EGR1: variants seen among roughly 807,000 people sequenced by gnomAD.
The protein encoded by EGR1 is early growth response 1, also known as early growth response protein 1.
A neutral mutation model predicts 30.2 loss-of-function variants in EGR1; 8 were observed. The observed-to-expected ratio is 0.26, with a 90% CI of 0.16 to 0.48. The LOEUF is 0.48. Among genes scored for constraint, EGR1 ranks in the 20% least tolerant of loss-of-function variants. The pLI is 0.99. For missense variants in EGR1, 568 were observed against 732.3 expected (o/e 0.78, Z 2.59); for synonymous variants, 334 against 312.8 (o/e 1.07, Z -0.72).
rs202122132 is a variant in EGR1 at position 138,466,998 on chromosome 5, C to G, written c.549C>G (p.Ser183=). The G allele has an allele frequency of 1.2e-6, 2 of 1,613,982 alleles. No individual in the cohort carries two copies. The highest frequency in any genetic ancestry group is 1.7e-5 in the Admixed American group (1 of 60,008). The stretch of plus-strand genomic sequence containing the variant: ...CATCTCCAGCGGCCTCCTCCGCCTC[C>G]GCCTCCCAGAGCCCACCCCTGAGCT... The part of the protein sequence containing the change: ...SAPSPAASSA[S]ASQSPPLSCA... The change falls in exon 2 of 2, where the codon TCC becomes TCG. Residue 183 remains serine, a synonymous_variant. Coordinates refer to ENST00000239938, the MANE Select transcript of EGR1 (RefSeq NM_001964.3).
chr5:138,466,097 C>G, intron 1 of EGR1, 29 bp downstream of exon 1: 1 of 1,523,608 alleles, frequency 6.6e-7, no homozygotes. Context: ...CGAGGGGGAA[C>G]CCTTTCGCCA....
chr5:138,465,771 G>A lies in EGR1; in HGVS notation c.10G>A (p.Ala4Thr). The change falls in exon 1 of 2, where the codon GCC becomes ACC. Residue 4 changes from alanine (A) to threonine (T), a missense_variant. Ala to Thr is a moderately conservative substitution (Grantham distance 58, BLOSUM62 0). Transcript: ENST00000239938. ...AGCCTGCTCGTCCAGGATGGCCGCGGCCAAGGCCGAGATGCAGCTGATGTC... is the reference window on the plus strand; with the variant it reads ...AGCCTGCTCGTCCAGGATGGCCGCGACCAAGGCCGAGATGCAGCTGATGTC... The part of the protein sequence containing the change: MAA[A>T]KAEMQLMSPL... The A allele has an allele frequency of 6.2e-7, 1 of 1,602,286 alleles. No homozygotes were observed. Among genetic ancestry groups the A allele is most frequent in the Middle Eastern group, 1.7e-4 (1 of 6,010 alleles).
rs201250503 is a variant in EGR1, at chr5:138,467,970, G to T, written c.1521G>T (p.Pro507=). 1 of 1,613,976 alleles carries T rather than the reference G, an allele frequency of 6.2e-7. No individual in the cohort carries two copies. Among genetic ancestry groups the T allele is most frequent in the Non-Finnish European group, 8.5e-7 (1 of 1,179,976 alleles). ...TTYSSVPPAF[P]AQVSSFPSSA... is the part of the protein sequence containing the mutation. ...ACTCCTCTGTTCCCCCTGCTTTCCC[G>T]GCCCAGGTCAGCAGCTTCCCTTCCT... The change falls in exon 2 of 2, where the codon CCG becomes CCT. Residue 507 remains proline, a synonymous_variant. Transcript: ENST00000239938. The surrounding 1 kb of genome is among the most constrained non-coding windows in gnomAD (Gnocchi z 8.3).
chr5:138,465,765 G>A lies in EGR1; in HGVS notation c.4G>A (p.Ala2Thr), dbSNP rs1257729605. 1 of 1,598,046 alleles carries A rather than the reference G, an allele frequency of 6.3e-7. No individual in the cohort carries two copies. The highest frequency in any genetic ancestry group is 8.6e-7 in the Non-Finnish European group (1 of 1,169,366). Residue 2 changes from alanine (A) to threonine (T), a missense_variant, in exon 1 of 2, where the codon GCC (alanine) becomes ACC (threonine). Physicochemically the swap from Ala to Thr is moderately conservative, Grantham distance 58. Coordinates refer to ENST00000239938, the MANE Select transcript of EGR1 (RefSeq NM_001964.3). M[A>T]AAKAEMQLMS... ...CTCTCCAGCCTGCTCGTCCAGGATG[G>A]CCGCGGCCAAGGCCGAGATGCAGCT... is the stretch of plus-strand genomic sequence containing the variant.
chr5:138,466,635 A>C (rs1764161590), intron 1 of EGR1, 122 bp from the exon 2 acceptor site: 1 of 1,134,630 alleles, frequency 8.8e-7, no homozygotes, highest in East Asian at 2.4e-5. Context: ...GCTATCAATT[A>C]TTAACTACCT....
intron 1 of EGR1, among the ~76,000 whole-genome samples, chr5:138,466,501 G>T (rs900874289): frequency 2.0e-5 from 3 of 152,256 alleles, no homozygotes; most frequent in Admixed American, 2.0e-4. Flanking sequence ...GGAATCCCTC[G>T]CCCGCACAGC....
rs146282587 is a variant in EGR1, at chr5:138,467,387, C to T, written c.938C>T (p.Ser313Phe). The change falls in exon 2 of 2, where the codon TCC (serine) becomes TTC (phenylalanine). Residue 313 changes from serine (S) to phenylalanine (F), a missense_variant. Physicochemically the swap from Ser to Phe is radical, Grantham distance 155. Transcript: ENST00000239938. This position sits in a 1 kb window ranked among gnomAD's most constrained non-coding sequence, Gnocchi z 8.3. ...AAGGCCCTCAATACCAGCTACCAGTCCCAGCTCATCAAACCCAGCCGCATG... is the reference window on the plus strand; with the variant it reads ...AAGGCCCTCAATACCAGCTACCAGTTCCAGCTCATCAAACCCAGCCGCATG... ...DLKALNTSYQ[S>F]QLIKPSRMRK... 1.9e-6 allele frequency: 3 copies of T among 1,614,104 alleles called. No homozygotes were observed. Among genetic ancestry groups the T allele is most frequent in the African/African-American group, 2.7e-5 (2 of 74,930 alleles).
chr5:138,466,476 A>G (rs1222772696), intron 1 of EGR1, among the ~76,000 whole-genome samples: 1 of 152,212 alleles, frequency 6.6e-6, no homozygotes, highest in Non-Finnish European at 1.5e-5. Context: ...AGCCGCGGCC[A>G]TGGGGGTGCT....
At position 138,467,430 on chromosome 5, in the gene EGR1, G is replaced by A; in HGVS notation, c.981G>A (p.Arg327=). 1 of 1,614,070 alleles carries A rather than the reference G, an allele frequency of 6.2e-7. No individual in the cohort carries two copies. Among genetic ancestry groups the A allele is most frequent in the South Asian group, 1.1e-5 (1 of 91,076 alleles). Reference sequence around the variant, plus strand: ...GCCGCATGCGCAAGTACCCCAACCGGCCCAGCAAGACGCCCCCCCACGAAC... The same window carrying A: ...GCCGCATGCGCAAGTACCCCAACCGACCCAGCAAGACGCCCCCCCACGAAC... ...KPSRMRKYPN[R]PSKTPPHERP... Residue 327 remains arginine (R), a synonymous_variant, in exon 2 of 2, where the codon CGG becomes CGA. Transcript: ENST00000239938. The surrounding 1 kb of genome is among the most constrained non-coding windows in gnomAD (Gnocchi z 8.3).
In EGR1 at chr5:138,465,943, A is replaced by ACAG. The variant is rs140268489; in HGVS notation, c.199_201dup (p.Ser67dup). 8.3e-4 allele frequency: 1,334 copies of ACAG among 1,612,582 alleles called. 2 individuals are homozygous for ACAG. The African/African-American group carries it at 9.5e-3, about 12-fold the overall frequency. On this transcript the variant is annotated inframe_insertion, in exon 1 of 2. Coordinates refer to ENST00000239938, the MANE Select transcript of EGR1 (RefSeq NM_001964.3). ...GGGGCCCCAGAGGGCAGCGGCAGCAACAGCAGCAGCAGCAGCAGCGGGGGC... is the reference window on the plus strand; with the variant it reads ...GGGGCCCCAGAGGGCAGCGGCAGCAACAGCAGCAGCAGCAGCAGCAGCGGGGGC...
At position 138,466,438 on chromosome 5, in the gene EGR1, C is replaced by T. The variant is rs111352052; in HGVS notation, c.308-319C>T. On this transcript the variant is annotated intron_variant, in intron 1 of 1. Transcript: ENST00000239938. ...CCGTGATCCTTGGCCGTGGATGTCC[C>T]GGCAGCCCGGGTTTGGGGGCGCGCA... Among the ~76,000 whole-genome samples, 912 of 152,372 alleles carry T rather than the reference C, an allele frequency of 6.0e-3. 8 individuals carry two copies. Among genetic ancestry groups the T allele is most frequent in the Middle Eastern group, 0.037 (11 of 294 alleles).
Position 138,465,756 on chromosome 5 carries a change from TCCAGGATGGCCGCGGCCAAGG to T in EGR1, c.-3_18del. 1 of 1,589,232 alleles carries T rather than the reference TCCAGGATGGCCGCGGCCAAGG, an allele frequency of 6.3e-7. No homozygotes were observed. The highest frequency in any genetic ancestry group is 8.6e-7 in the Non-Finnish European group (1 of 1,164,484). On this transcript the variant is annotated start_lost and 5_prime_UTR_variant, in exon 1 of 2. Transcript: ENST00000239938. ...CGACACCAGCTCTCCAGCCTGCTCG[TCCAGGATGGCCGCGGCCAAGG>T]CCGAGATGCAGCTGATGTCCCCGCT...
chr5:138,468,020 C>A lies in EGR1; in HGVS notation c.1571C>A (p.Ala524Asp), dbSNP rs1226620293. The change falls in exon 2 of 2, where the codon GCC becomes GAC. Residue 524 changes from alanine to aspartate, a missense_variant. Ala to Asp is a moderately radical substitution (Grantham distance 126). This residue lies in a region of EGR1 where 118 missense variants were observed against 161.6 expected (regional missense o/e 0.73). Transcript: ENST00000239938. ...PSSAVTNSFS[A>D]STGLSDMTAT... ...TCAGCTGTCACCAACTCCTTCAGCG[C>A]CTCCACAGGGCTTTCGGACATGACA... 3.7e-6 allele frequency: 6 copies of A among 1,611,924 alleles called. No homozygotes were observed. Among genetic ancestry groups the A allele is most frequent in the Non-Finnish European group, 5.1e-6 (6 of 1,179,096 alleles).
Position 138,466,948 on chromosome 5 carries a change from C to T in EGR1, c.499C>T (p.Pro167Ser), listed in dbSNP as rs747347984. ...LVSGLVSMTN[P>S]PASSSSAPSP... is the part of the protein sequence containing the mutation. ...CAGTGGCCTAGTGAGCATGACCAAC[C>T]CACCGGCCTCCTCGTCCTCAGCACC... Residue 167 changes from proline (P) to serine (S), a missense_variant, in exon 2 of 2, where the codon CCA (proline) becomes TCA (serine). Around this residue, in one of 4 missense-constraint regions of EGR1, gnomAD observed 415 missense variants for 445.2 expected, o/e 0.93. Transcript: ENST00000239938. The T allele has an allele frequency of 1.9e-6, 3 of 1,614,090 alleles. No homozygotes were observed. Among genetic ancestry groups the T allele is most frequent in the South Asian group, 2.2e-5 (2 of 91,086 alleles).
rs772509529 is a variant in EGR1, at chr5:138,467,414, G to A, written c.965G>A (p.Arg322His). 5 of 1,614,108 alleles carry A rather than the reference G, an allele frequency of 3.1e-6. No individual in the cohort carries two copies. The highest frequency in any genetic ancestry group is 1.7e-5 in the Admixed American group (1 of 60,024). The change falls in exon 2 of 2, where the codon CGC (arginine) becomes CAC (histidine). Residue 322 changes from arginine (R) to histidine (H), a missense_variant. This residue lies in a region of EGR1 where 415 missense variants were observed against 445.2 expected (regional missense o/e 0.93). Transcript: ENST00000239938. This position sits in a 1 kb window ranked among gnomAD's most constrained non-coding sequence, Gnocchi z 8.3. Reference sequence around the variant, plus strand: ...CAGCTCATCAAACCCAGCCGCATGCGCAAGTACCCCAACCGGCCCAGCAAG... The same window carrying A: ...CAGCTCATCAAACCCAGCCGCATGCACAAGTACCCCAACCGGCCCAGCAAG... ...QSQLIKPSRM[R>H]KYPNRPSKTP...
At position 138,467,260 on chromosome 5, in the gene EGR1, C is replaced by A; in HGVS notation, c.811C>A (p.Gln271Lys). 1 of 1,613,996 alleles carries A rather than the reference C, an allele frequency of 6.2e-7. No individual in the cohort carries two copies. Among genetic ancestry groups the A allele is most frequent in the Non-Finnish European group, 8.5e-7 (1 of 1,180,018 alleles). The change falls in exon 2 of 2, where the codon CAG (glutamine) becomes AAG (lysine). Residue 271 changes from glutamine (Q) to lysine (K), a missense_variant. Gln to Lys is a moderately conservative substitution (Grantham distance 53). Around this residue, in one of 4 missense-constraint regions of EGR1, gnomAD observed 415 missense variants for 445.2 expected, o/e 0.93. Transcript: ENST00000239938. The surrounding 1 kb of genome is among the most constrained non-coding windows in gnomAD (Gnocchi z 8.3). ...GGATCTGGGCCTGGGCACCCCAGAC[C>A]AGAAGCCCTTCCAGGGCCTGGAGAG... ...QGDLGLGTPD[Q>K]KPFQGLESRT...
chr5:138,468,181 G>T lies in EGR1; in HGVS notation c.*100G>T. 1 of 1,523,032 alleles carries T rather than the reference G, an allele frequency of 6.6e-7. No individual in the cohort carries two copies. The highest frequency in any genetic ancestry group is 1.3e-5 in the South Asian group (1 of 78,050). The allele number at this position is 1,523,032 out of a possible 1,614,324, so 94.3% of individuals were successfully genotyped here. ...CATAGGAGAGGAGGGTTCCTCTTAG[G>T]TCAGATGGAGGTTCTCAGAGCCAAG... On this transcript the variant is annotated 3_prime_UTR_variant, in exon 2 of 2. Transcript: ENST00000239938.
Position 138,468,968 on chromosome 5 carries a change from A to G in EGR1, c.*887A>G, listed in dbSNP as rs1333842196. 2 of 152,506 alleles carry G rather than the reference A, an allele frequency of 1.3e-5. No individual in the cohort carries two copies. The highest frequency in any genetic ancestry group is 2.9e-5 in the Non-Finnish European group (2 of 68,032). The allele number at this position is 152,506 out of a possible 1,614,324, so 9.4% of individuals were successfully genotyped here. ...GATTTGGGGGAGGCTTTGGGAGCAAAATAAGGAAGAGGGCTGAGCTGAGCT... is the reference window on the plus strand; with the variant it reads ...GATTTGGGGGAGGCTTTGGGAGCAAGATAAGGAAGAGGGCTGAGCTGAGCT... On this transcript the variant is annotated 3_prime_UTR_variant, in exon 2 of 2. Coordinates refer to ENST00000239938, the MANE Select transcript of EGR1 (RefSeq NM_001964.3).
Position 138,468,927 on chromosome 5 carries a change from G to T in EGR1, c.*846G>T, listed in dbSNP as rs199706517. 4 of 152,346 alleles carry T rather than the reference G, an allele frequency of 2.6e-5. No individual in the cohort carries two copies. The highest frequency in any genetic ancestry group is 4.4e-5 in the Non-Finnish European group (3 of 68,026). 9.4% of individuals were successfully genotyped at this position (152,346 alleles called of 1,614,324 possible). On this transcript the variant is annotated 3_prime_UTR_variant, in exon 2 of 2. Coordinates refer to ENST00000239938, the MANE Select transcript of EGR1 (RefSeq NM_001964.3). ...GGACATGCTCACCTCTAGCCTTAAGGGGGGCAGGGAGTGATGATTTGGGGG... is the reference window on the plus strand; with the variant it reads ...GGACATGCTCACCTCTAGCCTTAAGTGGGGCAGGGAGTGATGATTTGGGGG...
Sources: allele counts gnomAD v4.1 joint callset (sites outside exome capture counted in the v4.1 genomes callset), GRCh38; gene constraint gnomAD v4.1.1; regional missense constraint gnomAD v4.1.1; non-coding constraint Gnocchi (gnomAD v3.1); transcripts MANE v1.5; gene names NCBI Gene and HGNC (gene_info 2026-07-23, HGNC 2026-07-21).